The following GPD1 variants were observed in gnomAD, a reference collection of about 807,000 sequenced individuals.
The protein encoded by GPD1 is glycerol-3-phosphate dehydrogenase 1.
A neutral mutation model predicts 34.4 loss-of-function variants in GPD1; 19 were observed. The ratio of observed to expected loss-of-function variants is 0.55; its 90% CI spans 0.39 to 0.81. The LOEUF (loss-of-function observed/expected upper bound fraction) is 0.81. GPD1 is among the 30% of genes least tolerant of loss of function. GPD1 has a pLI of 0.00. For missense variants in GPD1, 429 were observed against 447.0 expected (o/e 0.96, Z 0.36); for synonymous variants, 172 against 174.1 (o/e 0.99, Z 0.09).
At position 50,107,785 on chromosome 12, in the gene GPD1, TGC is replaced by T; in HGVS notation, c.835_836del (p.Arg279TyrfsTer6). The T allele has an allele frequency of 6.2e-7, 1 of 1,612,838 alleles. No homozygotes were observed. Among genetic ancestry groups the T allele is most frequent in the South Asian group, 1.1e-5 (1 of 91,062 alleles). Reference sequence around the variant, plus strand: ...GGAACCGGAAAGTGGCTGAGGCCTTTGCGCGTACAGGAAAGGTGGGCCCCGGG... The same window carrying T: ...GGAACCGGAAAGTGGCTGAGGCCTTTGCGTACAGGAAAGGTGGGCCCCGGG... The part of the protein sequence containing the change: ...GRNRKVAEAF[A>X]RTGKSIEQLE... On this transcript the variant is annotated frameshift_variant, in exon 6 of 8. Transcript: ENST00000301149. LOFTEE classifies it high-confidence loss of function.
intron 5 of GPD1, 55 bp downstream of exon 5, chr12:50,106,972 T>C: frequency 9.3e-7 from 1 of 1,076,316 alleles, no homozygotes. Context: ...AAAGGAGGTC[T>C]GGCTGAGCTC....
intron 1 of GPD1, 25 bp from the exon 2 acceptor site, chr12:50,104,549 T>C (rs747553210): frequency 6.3e-7 from 1 of 1,598,810 alleles, no homozygotes; most frequent in South Asian, 1.1e-5. Flanking sequence ...CCTCCTGTAC[T>C]TTCCTGTGCT....
chr12:50,105,012 C>G lies in GPD1; in HGVS notation c.219+261C>G, dbSNP rs17848996. 8.0e-4 allele frequency: 402 copies of G among 500,292 alleles called. 6 individuals carry two copies. The East Asian group carries it at 0.011, about 14-fold the overall frequency. 31.0% of individuals were successfully genotyped at this position (500,292 alleles called of 1,614,324 possible). On this transcript the variant is annotated intron_variant, in intron 2 of 7. Coordinates refer to ENST00000301149, the MANE Select transcript of GPD1 (RefSeq NM_005276.4). ...CCATGGCAGCCAAAGACTGGGCTCC[C>G]AGACTTGGGGTCCAGTAGTGCCTGC...
At chr12:50,105,722 G>T (rs767351255) in intron 3 of GPD1, 34 bp downstream of exon 3, 1 of 1,610,326 alleles carries the variant, frequency 6.2e-7, no homozygotes, top group Admixed American at 1.7e-5. Flanking sequence ...ATGGGGGAGG[G>T]TGCGGCTCAC....
At chr12:50,108,189 G>T (rs796682111) in intron 7 of GPD1, 59 bp downstream of exon 7, 6 of 928,852 alleles carry the variant, frequency 6.5e-6, no homozygotes, top group Admixed American at 4.0e-5. Context: ...TGCTCGCCCT[G>T]TTCATCATCT....
Sources: allele counts gnomAD v4.1 joint callset, GRCh38; gene constraint gnomAD v4.1.1; transcripts MANE v1.5; gene names NCBI Gene and HGNC (gene_info 2026-07-23, HGNC 2026-07-21).